Variants in LYN observed in about 807,000 individuals in gnomAD.
The protein encoded by LYN is tyrosine-protein kinase Lyn.
In LYN, 12 loss-of-function variants were observed where a neutral mutation model predicts 65.0. The observed-to-expected ratio is 0.18, with a 90% CI of 0.12 to 0.30. The LOEUF is 0.30. Ranked by LOEUF, LYN falls within the 10% of genes least tolerant of loss-of-function variation. The pLI is 1.00. For synonymous variants in LYN, 222 were observed against 221.2 expected (o/e 1.00, Z -0.03); for missense variants, 380 against 623.2 (o/e 0.61, Z 4.16).
chr8:55,901,592 G>T (rs1805265634), intron 1 of LYN, among the ~76,000 whole-genome samples: 1 of 152,120 alleles, frequency 6.6e-6, no homozygotes, highest in Non-Finnish European at 1.5e-5. Flanking sequence ...GGAATGTATT[G>T]CTCTTGCTCT....
At chr8:55,972,759 G>A (rs1186517260) in intron 10 of LYN, among the ~76,000 whole-genome samples, 2 of 152,148 alleles carry the variant, frequency 1.3e-5, no homozygotes, top group Non-Finnish European at 2.9e-5. Context: ...AGAGATCCCT[G>A]GGGCCCAGAT....
Position 55,890,130 on chromosome 8 carries a change from A to AT in LYN, c.-6+10027_-6+10028insT, listed in dbSNP as rs1480986909. ...TGCCTCTATAGACAAAAAAAAAAAA[A>AT]AAAAAAAAGAATAAATAAAAACAAA... On this transcript the variant is annotated intron_variant, in intron 1 of 12. Transcript: ENST00000519728. 1.0e-3 allele frequency among the ~76,000 whole-genome samples: 151 copies of AT among 150,132 alleles called. 1 individual carries two copies. The highest frequency in any genetic ancestry group is 1.5e-3 in the Non-Finnish European group (101 of 67,512).
chr8:55,939,426 C>A (rs1806532392), intron 1 of LYN, among the ~76,000 whole-genome samples: 1 of 152,004 alleles, frequency 6.6e-6, no homozygotes, highest in Non-Finnish European at 1.5e-5. Flanking sequence ...CCCACATCCA[C>A]CTGCTTTTTG....
rs868451290 is a variant in LYN, at chr8:56,010,740, A to G, written c.*630A>G. 2 of 230,598 alleles carry G rather than the reference A, an allele frequency of 8.7e-6. No homozygotes were observed. The highest frequency in any genetic ancestry group is 1.7e-5 in the Non-Finnish European group (2 of 116,494). 14.3% of individuals were successfully genotyped at this position (230,598 alleles called of 1,614,324 possible). ...ACTGCTCAGACCTGCTAGACATGCC[A>G]TAGGAGTGGCGTGCACATCTCTCTC... On this transcript the variant is annotated 3_prime_UTR_variant, in exon 13 of 13. Transcript: ENST00000519728.
At chr8:55,918,655 G>T (rs1180520906) in intron 1 of LYN, among the ~76,000 whole-genome samples, 1 of 152,176 alleles carries the variant, frequency 6.6e-6, no homozygotes, top group Non-Finnish European at 1.5e-5. Context: ...GTTCGGGGTT[G>T]TCTCGGTTAA....
chr8:55,881,313 C>T (rs1804647007), intron 1 of LYN, among the ~76,000 whole-genome samples: 1 of 152,110 alleles, frequency 6.6e-6, no homozygotes, highest in African/African-American at 2.4e-5. Flanking sequence ...AAAGCAGGGC[C>T]CAGTAGTCTG....
Position 55,926,195 on chromosome 8 carries a change from C to A in LYN, c.-5-15660C>A, listed in dbSNP as rs547062240. On this transcript the variant is annotated intron_variant, in intron 1 of 12. Coordinates refer to ENST00000519728, the MANE Select transcript of LYN (RefSeq NM_002350.4). ...GCCTCTCCCACGTAGATTTACCCCC[C>A]AGATCCAACCACTTCCTTATCTTCA... Among the ~76,000 whole-genome samples, 3 of 152,334 alleles carry A rather than the reference C, an allele frequency of 2.0e-5. No individual in the cohort carries two copies. In the South Asian group the frequency reaches 6.2e-4, roughly 32 times the overall value.
At chr8:55,941,113 G>C (rs1473075) in intron 1 of LYN, among the ~76,000 whole-genome samples, 4,016 of 152,186 alleles carry the variant, frequency 0.026, 190 homozygotes, top group African/African-American at 0.092. Context: ...CCTATGTTTA[G>C]CTGGAGCCAG....
At chr8:55,935,210 GA>G (rs113196835) in intron 1 of LYN, among the ~76,000 whole-genome samples, 2 of 151,658 alleles carry the variant, frequency 1.3e-5, no homozygotes, top group Non-Finnish European at 2.9e-5. Context: ...GTTGCCTAAA[GA>G]AAAAAAACAA....
chr8:55,898,254 C>T (rs543536822), intron 1 of LYN, among the ~76,000 whole-genome samples: 2 of 151,924 alleles, frequency 1.3e-5, no homozygotes, highest in Admixed American at 6.6e-5. Flanking sequence ...TGTATGTGAT[C>T]GTTTTATTGT....
chr8:55,914,564 C>A (rs1805733199), intron 1 of LYN, among the ~76,000 whole-genome samples: 1 of 152,092 alleles, frequency 6.6e-6, no homozygotes, highest in African/African-American at 2.4e-5. Flanking sequence ...CATCCACATG[C>A]CTTCCAGGAA....
chr8:56,004,052 C>T (rs1196911309), intron 12 of LYN, among the ~76,000 whole-genome samples: 4 of 150,844 alleles, frequency 2.7e-5, no homozygotes, highest in African/African-American at 2.4e-5. Flanking sequence ...CCTGCCTCAC[C>T]CTCCCTAGTA....
chr8:55,967,019 C>G, intron 9 of LYN, 122 bp downstream of exon 9: 1 of 870,414 alleles, frequency 1.1e-6, no homozygotes, highest in Non-Finnish European at 1.7e-6. Flanking sequence ...ACCGAAAAAT[C>G]AGGAAATATG....
chr8:55,941,071 G>C (rs987249831), intron 1 of LYN, among the ~76,000 whole-genome samples: 1 of 152,092 alleles, frequency 6.6e-6, no homozygotes, highest in Non-Finnish European at 1.5e-5. Context: ...TTCCAGTCTT[G>C]ATGAAAGCCA....
At chr8:55,925,753 A>T (rs1806089618) in intron 1 of LYN, among the ~76,000 whole-genome samples, 1 of 152,146 alleles carries the variant, frequency 6.6e-6, no homozygotes, top group East Asian at 1.9e-4. Context: ...GACACCCTGG[A>T]CGCTGGTGAC....
At chr8:55,888,717 T>C (rs1804869755) in intron 1 of LYN, among the ~76,000 whole-genome samples, 1 of 152,184 alleles carries the variant, frequency 6.6e-6, no homozygotes, top group Non-Finnish European at 1.5e-5. Context: ...GATACAGTAA[T>C]GGGCACAATC....
chr8:55,887,547 T>TA lies in LYN; in HGVS notation c.-6+7449dup, dbSNP rs1032299255. ...TATAAATATATACATAAATCCCATATAAAAATATAAATATATATATATATA... is the reference window on the plus strand; with the variant it reads ...TATAAATATATACATAAATCCCATATAAAAAATATAAATATATATATATATA... On this transcript the variant is annotated intron_variant, in intron 1 of 12. Transcript: ENST00000519728. Among the ~76,000 whole-genome samples, 10 of 107,036 alleles carry TA rather than the reference T, an allele frequency of 9.3e-5. No homozygotes were observed. The East Asian group carries it at 2.7e-3, about 29-fold the overall frequency. 70.2% of individuals were successfully genotyped at this position (107,036 alleles called of 152,430 possible).
chr8:55,984,870 A>G (rs1808032995), intron 10 of LYN, among the ~76,000 whole-genome samples: 1 of 152,198 alleles, frequency 6.6e-6, no homozygotes, highest in African/African-American at 2.4e-5. Context: ...TCCTTTTCAT[A>G]CATTTTTTAT....
intron 1 of LYN, among the ~76,000 whole-genome samples, chr8:55,911,285 A>ATATATATAT (rs1356941100): frequency 3.6e-5 from 1 of 27,776 alleles, no homozygotes; most frequent in African/African-American, 1.7e-4. Context: ...ATATATATAT[A>ATATATATAT]TTTTTTTTTT....
Sources: gnomAD v4.1 joint callset for allele counts (sites outside exome capture counted in the v4.1 genomes callset) on GRCh38, gnomAD v4.1.1 for gene constraint, MANE v1.5 for transcripts, NCBI Gene and HGNC (gene_info 2026-07-23, HGNC 2026-07-21) for gene names.